Variants in B4GALT1 observed in about 807,000 individuals in gnomAD.
The protein encoded by B4GALT1 is N-acetyllactosamine synthase.
In B4GALT1, 16 loss-of-function variants were observed where a neutral mutation model predicts 34.9. The ratio of observed to expected loss-of-function variants is 0.46; its 90% CI spans 0.31 to 0.70. The LOEUF is 0.70. B4GALT1 is among the 30% of genes least tolerant of loss of function. The pLI is 0.05. For missense variants in B4GALT1, 445 were observed against 530.5 expected (o/e 0.84, Z 1.58); for synonymous variants, 221 against 218.1 (o/e 1.01, Z -0.12).
At chr9:33,181,859 G>C in the B4GALT1 span, among the ~76,000 whole-genome samples, 1 of 152,120 alleles carries the variant, frequency 6.6e-6, no homozygotes, top group Non-Finnish European at 1.5e-5. Flanking sequence ...AGACTTGGTG[G>C]CTTCAAACAA....
In B4GALT1 at chr9:33,113,598, A is replaced by T. The variant is rs374919621; in HGVS notation, c.1065-12T>A. On this transcript the variant is annotated splice_polypyrimidine_tract_variant and intron_variant, in intron 5 of 5. Transcript: ENST00000379731. ...CAATTCGGTCAAACCTACAAGGAAA[A>T]GAGCACAAGGAGATTGTCTTAAAAC... 4 of 1,614,210 alleles carry T rather than the reference A, an allele frequency of 2.5e-6. No individual in the cohort carries two copies. Among genetic ancestry groups the T allele is most frequent in the Non-Finnish European group, 3.4e-6 (4 of 1,180,034 alleles).
intron 1 of B4GALT1, among the ~76,000 whole-genome samples, chr9:33,140,714 C>G (rs1358177058): frequency 1.3e-5 from 2 of 152,242 alleles, no homozygotes; most frequent in African/African-American, 4.8e-5. Flanking sequence ...AATCAGCTCC[C>G]CCACCAGTGC....
rs898800578 is a variant in B4GALT1 at position 33,111,146 on chromosome 9, G to C, written c.*2308C>G. On this transcript the variant is annotated 3_prime_UTR_variant, in exon 6 of 6. Coordinates refer to ENST00000379731, the MANE Select transcript of B4GALT1 (RefSeq NM_001497.4). ...CTAACTGTGCCCTGGCTGTGCCTTGGGCCCAGGTGAGCCCATGAGAGCACT... is the reference window on the plus strand; with the variant it reads ...CTAACTGTGCCCTGGCTGTGCCTTGCGCCCAGGTGAGCCCATGAGAGCACT... The C allele has an allele frequency of 6.6e-6, 1 of 151,486 alleles. No homozygotes were observed. Among genetic ancestry groups the C allele is most frequent in the African/African-American group, 2.4e-5 (1 of 41,198 alleles). The allele number at this position is 151,486 out of a possible 1,614,324, so 9.4% of individuals were successfully genotyped here. A position where few individuals can be genotyped will look rare whatever the true frequency, so the allele number is the denominator to read the frequency against.
chr9:33,123,857 C>T lies in B4GALT1; in HGVS notation c.649-3251G>A, dbSNP rs1415557938. ...CCTGGTTCCAGCCCCTTTCACCGCC[C>T]GGGGTGCCACGGCCCTTTCAACGTG... On this transcript the variant is annotated intron_variant, in intron 2 of 5. Coordinates refer to ENST00000379731, the MANE Select transcript of B4GALT1 (RefSeq NM_001497.4). Among the ~76,000 whole-genome samples, 4 of 152,342 alleles carry T rather than the reference C, an allele frequency of 2.6e-5. 1 individual carries two copies. Among genetic ancestry groups the T allele is most frequent in the Admixed American group, 2.0e-4 (3 of 15,302 alleles).
At chr9:33,139,455 C>T (rs3780486) in intron 1 of B4GALT1, among the ~76,000 whole-genome samples, 38,926 of 152,058 alleles carry the variant, frequency 0.26, 5,346 homozygotes, top group East Asian at 0.53. Flanking sequence ...GCCCTTCTTG[C>T]CAATCTGGCA....
chr9:33,143,609 G>C (rs1256984332), intron 1 of B4GALT1, among the ~76,000 whole-genome samples: 2 of 152,226 alleles, frequency 1.3e-5, no homozygotes, highest in African/African-American at 4.8e-5. Context: ...CAGGGGCCCA[G>C]GAATCTGCAT....
the B4GALT1 span, among the ~76,000 whole-genome samples, chr9:33,184,289 A>ACACACACACACACAC: frequency 3.0e-5 from 3 of 100,836 alleles, no homozygotes; most frequent in Non-Finnish European, 6.3e-5. Flanking sequence ...CACACACACA[A>ACACACACACACACAC]AAACATAGGA....
At chr9:33,178,118 A>T in the B4GALT1 span, among the ~76,000 whole-genome samples, 55 of 150,118 alleles carry the variant, frequency 3.7e-4, no homozygotes, top group African/African-American at 1.3e-3. Flanking sequence ...CAGCCTCCCG[A>T]GTAGTTGGAA....
intron 1 of B4GALT1, among the ~76,000 whole-genome samples, chr9:33,155,858 ACCTCATT>A (rs1398364266): frequency 6.6e-6 from 1 of 152,128 alleles, no homozygotes; most frequent in African/African-American, 2.4e-5. Flanking sequence ...CATATAACTA[ACCTCATT>A]CACTCCTCTT....
At chr9:33,138,168 C>G (rs1480129443) in intron 1 of B4GALT1, among the ~76,000 whole-genome samples, 1 of 152,232 alleles carries the variant, frequency 6.6e-6, no homozygotes, top group Non-Finnish European at 1.5e-5. Flanking sequence ...GGAAAGTGTC[C>G]TGGTGTTGCC....
At chr9:33,135,907 G>A (rs888494266) in intron 1 of B4GALT1, among the ~76,000 whole-genome samples, 4 of 122,304 alleles carry the variant, frequency 3.3e-5, no homozygotes, top group Non-Finnish European at 3.6e-5. Flanking sequence ...GTGTGTGTGT[G>A]TGTATGTGTG....
chr9:33,126,307 G>A (rs897842207), intron 2 of B4GALT1, among the ~76,000 whole-genome samples: 1 of 152,198 alleles, frequency 6.6e-6, no homozygotes, highest in African/African-American at 2.4e-5. Context: ...TCCTGGAACA[G>A]TGGACAGGCT....
chr9:33,163,151 G>C (rs950052761), intron 1 of B4GALT1, among the ~76,000 whole-genome samples: 1 of 152,128 alleles, frequency 6.6e-6, no homozygotes, highest in Admixed American at 6.5e-5. Flanking sequence ...TGGGCAGCCT[G>C]CTTGTGTCCA....
the B4GALT1 span, among the ~76,000 whole-genome samples, chr9:33,174,826 G>A: frequency 1.6e-4 from 23 of 141,294 alleles, no homozygotes; most frequent in African/African-American, 6.0e-4. Flanking sequence ...GCATGGTGGT[G>A]TGCACCTGTA....
At chr9:33,126,027 A>T (rs1050968858) in intron 2 of B4GALT1, among the ~76,000 whole-genome samples, 8 of 152,176 alleles carry the variant, frequency 5.3e-5, no homozygotes, top group Admixed American at 4.6e-4. Flanking sequence ...GATAAGAGAG[A>T]CACTGTTGCT....
downstream of B4GALT1, chr9:33,110,632 C>T (rs1839842787): frequency 6.6e-6 from 1 of 152,176 alleles, no homozygotes; most frequent in African/African-American, 2.4e-5. Flanking sequence ...CAAACAGAAA[C>T]CACCTGCAGT....
At chr9:33,122,217 T>A (rs1840030816) in intron 2 of B4GALT1, among the ~76,000 whole-genome samples, 1 of 152,164 alleles carries the variant, frequency 6.6e-6, no homozygotes. Flanking sequence ...CTTCTCTCCA[T>A]GCCCTCAAAA....
chr9:33,114,871 C>T (rs1340878734), intron 4 of B4GALT1, among the ~76,000 whole-genome samples: 1 of 152,226 alleles, frequency 6.6e-6, no homozygotes, highest in Non-Finnish European at 1.5e-5. Context: ...TCTAGTGCCA[C>T]TGCGTTAGCA....
At chr9:33,146,322 C>A (rs544701212) in intron 1 of B4GALT1, among the ~76,000 whole-genome samples, 1 of 152,346 alleles carries the variant, frequency 6.6e-6, no homozygotes, top group African/African-American at 2.4e-5. Flanking sequence ...TCCATATTAG[C>A]CCCAGGAAGA....
Sources: allele counts gnomAD v4.1 joint callset (sites outside exome capture counted in the v4.1 genomes callset), GRCh38; gene constraint gnomAD v4.1.1; transcripts MANE v1.5; gene names NCBI Gene and HGNC (gene_info 2026-07-23, HGNC 2026-07-21).